Variants in FCRLA observed in about 807,000 individuals in gnomAD.
FCRLA encodes the protein Fc receptor like A.
In FCRLA, 26 loss-of-function variants were observed where a neutral mutation model predicts 28.4. That is an observed-to-expected ratio of 0.91 (90% CI 0.67 to 1.27). The LOEUF (loss-of-function observed/expected upper bound fraction) is 1.27. Ranked by LOEUF, FCRLA falls within the 50% of genes most tolerant of loss-of-function variation. The pLI is 0.00. For missense variants in FCRLA, 422 were observed against 433.1 expected, an observed-to-expected ratio of 0.97 and a Z score of 0.23; for synonymous variants, 174 against 168.5, an observed-to-expected ratio of 1.03 and a Z score of -0.25.
chr1:161,712,093 G>A lies in FCRLA; in HGVS notation c.659G>A (p.Gly220Glu), dbSNP rs755975575. 4 of 1,614,018 alleles carry A rather than the reference G, an allele frequency of 2.5e-6. No homozygotes were observed. The highest frequency in any genetic ancestry group is 3.4e-6 in the Non-Finnish European group (4 of 1,180,046). The change falls in exon 4 of 5, where the codon GGG (glycine) becomes GAG (glutamate). Residue 220 changes from glycine (G) to glutamate (E), a missense_variant. Physicochemically the swap from Gly to Glu is moderately conservative, Grantham distance 98. Coordinates refer to ENST00000236938, the MANE Select transcript of FCRLA (RefSeq NM_032738.4). ...GATGGAAGGATAGTGCAAAGCAGGG[G>A]GCTCTCCTCAGAATTCCAGATCCCC... The part of the protein sequence containing the change: ...YKDGRIVQSR[G>E]LSSEFQIPTA...
At position 161,713,148 on chromosome 1, in the gene FCRLA, G is replaced by A. The variant is rs775704128; in HGVS notation, c.848G>A (p.Gly283Glu). ...NPAPQKSAAP[G>E]TAPEEAPGPL... ...GCTCCTCAGAAATCAGCTGCTCCAG[G>A]AACTGCTCCTGAGGAGGCCCCTGGG... Residue 283 changes from glycine (G) to glutamate (E), a missense_variant, in exon 5 of 5, where the codon GGA (glycine) becomes GAA (glutamate). By Grantham distance (98) the Gly-to-Glu change is moderately conservative (BLOSUM62 -2). This residue lies in a region of FCRLA where 185 missense variants were observed against 198.1 expected (regional missense o/e 0.93). Transcript: ENST00000236938. 1.8e-5 allele frequency: 29 copies of A among 1,614,094 alleles called. No homozygotes were observed. Among genetic ancestry groups the A allele is most frequent in the Non-Finnish European group, 1.7e-5 (20 of 1,180,052 alleles).
Position 161,713,102 on chromosome 1 carries a change from G to A in FCRLA, c.802G>A (p.Ala268Thr), listed in dbSNP as rs1364504100. The A allele has an allele frequency of 1.2e-6, 2 of 1,613,366 alleles. No individual in the cohort carries two copies. The highest frequency in any genetic ancestry group is 1.7e-6 in the Non-Finnish European group (2 of 1,179,760). ...IRVQGASSSA[A>T]PPTLNPAPQK... ...TAATTCAGGTGCTTCCAGCTCTGCT[G>A]CACCTCCCACATTGAATCCAGCTCC... is the stretch of plus-strand genomic sequence containing the variant. The change falls in exon 5 of 5, where the codon GCA (alanine) becomes ACA (threonine). Residue 268 changes from alanine (A) to threonine (T), a missense_variant. Coordinates refer to ENST00000236938, the MANE Select transcript of FCRLA (RefSeq NM_032738.4).
intron 2 of FCRLA, 27 bp from the exon 3 acceptor site, chr1:161,711,181 A>G (rs766110632): frequency 1.3e-6 from 2 of 1,592,380 alleles, no homozygotes; most frequent in Non-Finnish European, 1.7e-6. Context: ...GCCCTGGGTG[A>G]CACTCAGCTC....
intron 3 of FCRLA, chr1:161,711,707 C>T (rs1418936281): frequency 4.8e-5 from 35 of 728,882 alleles, no homozygotes; most frequent in Non-Finnish European, 7.0e-5. Context: ...CTTCCTAGTG[C>T]TCACTGATTG....
At position 161,713,808 on chromosome 1, in the gene FCRLA, A is replaced by C. The variant is rs114553287; in HGVS notation, c.*428A>C. 7.0e-3 allele frequency: 1,128 copies of C among 160,594 alleles called. 18 individuals carry two copies. The highest frequency in any genetic ancestry group is 0.025 in the African/African-American group (1,054 of 41,618). The allele number at this position is 160,594 out of a possible 1,614,324, so 9.9% of individuals were successfully genotyped here. ...GTGCTACTGGCATCCAGTAAATAGA[A>C]GCCAGGGGTGCCGCTAAACATCCTA... is the stretch of plus-strand genomic sequence containing the variant. On this transcript the variant is annotated 3_prime_UTR_variant, in exon 5 of 5. Coordinates refer to ENST00000236938, the MANE Select transcript of FCRLA (RefSeq NM_032738.4).
intron 4 of FCRLA, 98 bp from the exon 5 acceptor site, chr1:161,712,987 C>T: frequency 1.4e-6 from 2 of 1,406,438 alleles, no homozygotes; most frequent in South Asian, 2.8e-5. Flanking sequence ...TTGGGCCCCA[C>T]AGCCACTTTC....
At chr1:161,710,569 G>C in intron 1 of FCRLA, 191 bp from the exon 2 acceptor site, 1 of 1,490,944 alleles carries the variant, frequency 6.7e-7, no homozygotes, top group Non-Finnish European at 9.2e-7. Context: ...GCACCTGGAC[G>C]CCAGTGAATC....
chr1:161,709,335 T>C (rs925564557), intron 1 of FCRLA, among the ~76,000 whole-genome samples: 17 of 152,250 alleles, frequency 1.1e-4, no homozygotes, highest in African/African-American at 3.9e-4. Flanking sequence ...TCTCTCTATG[T>C]TCCCCAGGCT....
chr1:161,711,342 G>T lies in FCRLA; in HGVS notation c.367G>T (p.Gly123Trp), dbSNP rs371004106. The T allele has an allele frequency of 6.2e-7, 1 of 1,614,140 alleles. No homozygotes were observed. Among genetic ancestry groups the T allele is most frequent in the South Asian group, 1.1e-5 (1 of 91,080 alleles). ...AGATGGCTCAGCTCTGGGTCCCCCC[G>T]GGCCTAACAGGGAATTCTCCATCAC... ...YRDGSALGPP[G>W]PNREFSITVV... Residue 123 changes from glycine to tryptophan, a missense_variant, in exon 3 of 5, where the codon GGG becomes TGG. Gly to Trp is a radical substitution (Grantham distance 184, BLOSUM62 -2). Around this residue, in one of 3 missense-constraint regions of FCRLA, gnomAD observed 231 missense variants for 214.6 expected, o/e 1.08. Coordinates refer to ENST00000236938, the MANE Select transcript of FCRLA (RefSeq NM_032738.4).
rs145515781 is a variant in FCRLA, at chr1:161,709,170, C to T, written c.80-1590C>T. Among the ~76,000 whole-genome samples, 183 of 152,258 alleles carry T rather than the reference C, an allele frequency of 1.2e-3. 6 individuals are homozygous for T. In the East Asian group the frequency reaches 0.032, roughly 26 times the overall value. On this transcript the variant is annotated intron_variant, in intron 1 of 4. Coordinates refer to ENST00000236938, the MANE Select transcript of FCRLA (RefSeq NM_032738.4). ...TGAGACAGGGTCTCGCTCTGCCACC[C>T]AGGCTGGAGTGCAGTGGTGCAATCA...
chr1:161,712,258 C>A, intron 4 of FCRLA, 40 bp downstream of exon 4: 1 of 1,580,384 alleles, frequency 6.3e-7, no homozygotes, highest in Non-Finnish European at 8.6e-7. Context: ...GTTTGGCATG[C>A]GTGTGAGTGA....
Position 161,713,448 on chromosome 1 carries a change from T to A in FCRLA, c.*68T>A. ...AATCTGATTCTTTATTTTCTCTTCC[T>A]GTCCTGCACATATGCATAAGTACTT... is the stretch of plus-strand genomic sequence containing the variant. On this transcript the variant is annotated 3_prime_UTR_variant, in exon 5 of 5. Coordinates refer to ENST00000236938, the MANE Select transcript of FCRLA (RefSeq NM_032738.4). The A allele has an allele frequency of 7.5e-7, 1 of 1,328,042 alleles. No individual in the cohort carries two copies. Among genetic ancestry groups the A allele is most frequent in the Non-Finnish European group, 1.0e-6 (1 of 956,848 alleles). The allele number at this position is 1,328,042 out of a possible 1,614,324, so 82.3% of individuals were successfully genotyped here.
At chr1:161,712,858 T>G (rs1683171862) in intron 4 of FCRLA, among the ~76,000 whole-genome samples, 1 of 152,210 alleles carries the variant, frequency 6.6e-6, no homozygotes, top group African/African-American at 2.4e-5. Flanking sequence ...AACTGGCTAA[T>G]AGTTATAGCT....
intron 3 of FCRLA, 61 bp downstream of exon 3, chr1:161,711,535 A>G: frequency 6.5e-7 from 1 of 1,547,932 alleles, no homozygotes; most frequent in South Asian, 1.2e-5. Flanking sequence ...GGGAGCCCAA[A>G]TTGTCTTTCT....
In FCRLA at chr1:161,713,456, A is replaced by G; in HGVS notation, c.*76A>G. On this transcript the variant is annotated 3_prime_UTR_variant, in exon 5 of 5. Coordinates refer to ENST00000236938, the MANE Select transcript of FCRLA (RefSeq NM_032738.4). ...TCTTTATTTTCTCTTCCTGTCCTGC[A>G]CATATGCATAAGTACTTTTACAAGT... The G allele has an allele frequency of 8.3e-7, 1 of 1,206,632 alleles. No individual in the cohort carries two copies. Among genetic ancestry groups the G allele is most frequent in the African/African-American group, 1.5e-5 (1 of 66,290 alleles). The allele number at this position is 1,206,632 out of a possible 1,614,324, so 74.7% of individuals were successfully genotyped here. A position where few individuals can be genotyped will look rare whatever the true frequency, so the allele number is the denominator to read the frequency against.
intron 4 of FCRLA, among the ~76,000 whole-genome samples, chr1:161,712,773 TA>T (rs1683168785): frequency 6.6e-6 from 1 of 152,202 alleles, no homozygotes; most frequent in East Asian, 1.9e-4. Flanking sequence ...ATGTCTTATA[TA>T]ATAAAGAGGC....
In FCRLA at chr1:161,713,151, C is replaced by G. The variant is rs760891995; in HGVS notation, c.851C>G (p.Thr284Ser). 6.2e-6 allele frequency: 10 copies of G among 1,614,254 alleles called. No homozygotes were observed. Among genetic ancestry groups the G allele is most frequent in the Non-Finnish European group, 7.6e-6 (9 of 1,180,052 alleles). Residue 284 changes from threonine (T) to serine (S), a missense_variant, in exon 5 of 5, where the codon ACT becomes AGT. This residue lies in a region of FCRLA where 185 missense variants were observed against 198.1 expected (regional missense o/e 0.93). Coordinates refer to ENST00000236938, the MANE Select transcript of FCRLA (RefSeq NM_032738.4). The part of the protein sequence containing the change: ...PAPQKSAAPG[T>S]APEEAPGPLP... ...CCTCAGAAATCAGCTGCTCCAGGAACTGCTCCTGAGGAGGCCCCTGGGCCT... is the reference window on the plus strand; with the variant it reads ...CCTCAGAAATCAGCTGCTCCAGGAAGTGCTCCTGAGGAGGCCCCTGGGCCT...
Position 161,713,400 on chromosome 1 carries a change from G to T in FCRLA, c.*20G>T. The T allele has an allele frequency of 6.3e-7, 1 of 1,590,400 alleles. No homozygotes were observed. Among genetic ancestry groups the T allele is most frequent in the South Asian group, 1.1e-5 (1 of 88,608 alleles). On this transcript the variant is annotated 3_prime_UTR_variant, in exon 5 of 5. Transcript: ENST00000236938. Reference sequence around the variant, plus strand: ...GAATAGAAGTAAACAGTTCATCCATGATCTCACTTAACCACCCCAATAAAT... The same window carrying T: ...GAATAGAAGTAAACAGTTCATCCATTATCTCACTTAACCACCCCAATAAAT...
chr1:161,707,460 T>C (rs1682872691), intron 1 of FCRLA, 117 bp downstream of exon 1: 1 of 1,180,900 alleles, frequency 8.5e-7, no homozygotes, highest in East Asian at 2.6e-5. Context: ...AGTATTCAGG[T>C]GGAATAAGAA....
Sources: gnomAD v4.1 joint callset for allele counts (sites outside exome capture counted in the v4.1 genomes callset) on GRCh38, gnomAD v4.1.1 for gene constraint, gnomAD v4.1.1 regional missense constraint, MANE v1.5 for transcripts, NCBI Gene and HGNC (gene_info 2026-07-23, HGNC 2026-07-21) for gene names.